The following CBL variants were observed in gnomAD, a reference collection of about 807,000 sequenced individuals.
CBL encodes Cbl proto-oncogene, also known as E3 ubiquitin-protein ligase CBL.
Under a neutral mutation model 96.9 loss-of-function variants are expected in CBL, and 45 were observed. That is an observed-to-expected ratio of 0.46 (90% CI 0.37 to 0.60). CBL has a LOEUF of 0.60. CBL is among the 20% of genes least tolerant of loss of function. The pLI, the probability that CBL is intolerant of heterozygous loss-of-function variation, is 0.00. For missense variants in CBL, 1,024 were observed against 1,143.5 expected (o/e 0.90, Z 1.51); for synonymous variants, 420 against 426.8 (o/e 0.98, Z 0.20).
Position 119,300,633 on chromosome 11 carries a change from T to C in CBL, c.*852T>C. ...ACTGTTTCTATAGGAACATTGAAGC[T>C]ATTAAGATGTTTTGATTATCCTAAT... is the stretch of plus-strand genomic sequence containing the variant. On this transcript the variant is annotated 3_prime_UTR_variant, in exon 16 of 16. Coordinates refer to ENST00000264033, the MANE Select transcript of CBL (RefSeq NM_005188.4). The C allele has an allele frequency of 2.5e-6, 1 of 399,022 alleles. No individual in the cohort carries two copies. The highest frequency in any genetic ancestry group is 4.4e-6 in the Non-Finnish European group (1 of 226,048). 24.7% of individuals were successfully genotyped at this position (399,022 alleles called of 1,614,324 possible).
intron 2 of CBL, among the ~76,000 whole-genome samples, chr11:119,262,806 G>A (rs560639592): frequency 3.3e-5 from 5 of 152,288 alleles, no homozygotes; most frequent in East Asian, 1.9e-4. Flanking sequence ...GAGAGTAGAC[G>A]TTAAATATAG....
At chr11:119,272,523 C>T (rs909257010) in intron 3 of CBL, among the ~76,000 whole-genome samples, 6 of 152,204 alleles carry the variant, frequency 3.9e-5, no homozygotes, top group African/African-American at 1.4e-4. Context: ...TATTTACATA[C>T]GCAGGAGTGG....
intron 9 of CBL, among the ~76,000 whole-genome samples, chr11:119,279,775 A>G (rs954611578): frequency 1.3e-5 from 2 of 152,252 alleles, no homozygotes; most frequent in Non-Finnish European, 2.9e-5. Context: ...ATTTCTGAGG[A>G]TAGGAATTCA....
At chr11:119,283,980 A>G (rs1048013674) in intron 9 of CBL, among the ~76,000 whole-genome samples, 2 of 152,016 alleles carry the variant, frequency 1.3e-5, no homozygotes, top group African/African-American at 4.8e-5. Context: ...GAAGGACTCA[A>G]GATGCTTTTT....
intron 2 of CBL, among the ~76,000 whole-genome samples, chr11:119,243,515 A>ATTT (rs1424819718): frequency 5.2e-5 from 5 of 96,716 alleles, no homozygotes; most frequent in Non-Finnish European, 6.6e-5. Flanking sequence ...AAAAAAAAAA[A>ATTT]TTTTTTTTTT....
Position 119,298,402 on chromosome 11 carries a change from G to T in CBL, c.2296G>T (p.Glu766Ter), listed in dbSNP as rs770244944. Residue 766 changes from glutamate (E) to a stop codon, truncating the protein, a stop_gained, in exon 15 of 16, where the codon GAG becomes TAG. Transcript: ENST00000264033. LOFTEE classifies it high-confidence loss of function. ...AGCCCATGCCAACACTGGTCCCGAG[G>T]AGTCAGAAAATGAGGATGATGGGTA... Reference protein sequence around the residue: ...AAAHANTGPEESENEDDGYDV... With the variant: ...AAAHANTGPE The T allele has an allele frequency of 6.2e-7, 1 of 1,614,216 alleles. No individual in the cohort carries two copies. The highest frequency in any genetic ancestry group is 8.5e-7 in the Non-Finnish European group (1 of 1,180,042).
chr11:119,273,858 C>T lies in CBL; in HGVS notation c.591-10C>T. 4 of 1,612,992 alleles carry T rather than the reference C, an allele frequency of 2.5e-6. No individual in the cohort carries two copies. Among genetic ancestry groups the T allele is most frequent in the Non-Finnish European group, 3.4e-6 (4 of 1,178,990 alleles). On this transcript the variant is annotated splice_polypyrimidine_tract_variant and intron_variant, in intron 3 of 15. Transcript: ENST00000264033. ...TTTCACTTTATGCCTCCTCTCCACC[C>T]CCTCCCCAGGACAATAGTCCCTTGG...
rs549468205 is a variant in CBL, at chr11:119,209,392, C to T, written c.195+2780C>T. On this transcript the variant is annotated intron_variant, in intron 1 of 15. Transcript: ENST00000264033. Reference sequence around the variant, plus strand: ...CAGCACTTTGGGAGGCCGAGGTGGGCGGCTCACTTGAGGTCAGGAGCTCCA... The same window carrying T: ...CAGCACTTTGGGAGGCCGAGGTGGGTGGCTCACTTGAGGTCAGGAGCTCCA... 2.6e-5 allele frequency among the ~76,000 whole-genome samples: 4 copies of T among 152,212 alleles called. No homozygotes were observed. The East Asian group carries it at 7.7e-4, about 29-fold the overall frequency.
chr11:119,245,862 C>T (rs887466627), intron 2 of CBL, among the ~76,000 whole-genome samples: 3 of 150,516 alleles, frequency 2.0e-5, no homozygotes, highest in East Asian at 1.9e-4. Flanking sequence ...CTATGTTGCC[C>T]GGGCTGGAAT....
At position 119,286,525 on chromosome 11, in the gene CBL, A is replaced by G. The variant is rs531880892; in HGVS notation, c.1941+959A>G. On this transcript the variant is annotated intron_variant, in intron 11 of 15. Transcript: ENST00000264033. ...TGGATACGGTTTTCAGATTGATAAC[A>G]GCCACAATGACAGAAATGCCTAAGG... Among the ~76,000 whole-genome samples, 4 of 152,348 alleles carry G rather than the reference A, an allele frequency of 2.6e-5. No individual in the cohort carries two copies. The South Asian group carries it at 6.2e-4, about 24-fold the overall frequency.
intron 1 of CBL, among the ~76,000 whole-genome samples, chr11:119,225,810 C>G (rs558678036): frequency 6.9e-6 from 1 of 145,218 alleles, no homozygotes; most frequent in East Asian, 2.2e-4. Flanking sequence ...TCGCTGCAAC[C>G]TCCGCCTCCC....
At position 119,208,605 on chromosome 11, in the gene CBL, C is replaced by T. The variant is rs188554264; in HGVS notation, c.195+1993C>T. Among the ~76,000 whole-genome samples, 273 of 152,026 alleles carry T rather than the reference C, an allele frequency of 1.8e-3. 1 individual carries two copies. The highest frequency in any genetic ancestry group is 6.1e-3 in the African/African-American group (251 of 41,452). On this transcript the variant is annotated intron_variant, in intron 1 of 15. Transcript: ENST00000264033. ...GGGGTTTCATCATGTTGACCAGGCT[C>T]GTCTCGAACTCCTGACCTCAGGTGA...
At chr11:119,208,485 G>C (rs561688287) in intron 1 of CBL, among the ~76,000 whole-genome samples, 1 of 152,052 alleles carries the variant, frequency 6.6e-6, no homozygotes, top group Non-Finnish European at 1.5e-5. Flanking sequence ...CGCCTCCTGG[G>C]TTCAAGACAT....
intron 1 of CBL, among the ~76,000 whole-genome samples, chr11:119,220,605 AT>A (rs1949400365): frequency 6.6e-6 from 1 of 152,202 alleles, no homozygotes. Context: ...TTTCAAAAAA[AT>A]AAAAATAAAA....
At chr11:119,256,663 A>G (rs372189123) in intron 2 of CBL, among the ~76,000 whole-genome samples, 10 of 150,998 alleles carry the variant, frequency 6.6e-5, no homozygotes, top group African/African-American at 2.2e-4. Flanking sequence ...CGAGTAGTGT[A>G]CATTGTACCC....
At chr11:119,286,721 T>C (rs939975105) in intron 11 of CBL, among the ~76,000 whole-genome samples, 38 of 152,194 alleles carry the variant, frequency 2.5e-4, no homozygotes, top group African/African-American at 8.9e-4. Flanking sequence ...GGGTAGGTTA[T>C]TGGTCCTTTG....
In CBL at chr11:119,298,554, C is replaced by T; in HGVS notation, c.2434+14C>T. On this transcript the variant is annotated intron_variant, in intron 15 of 15. Transcript: ENST00000264033. ...ATCCTACAACAAGTGAGTCTCCAGA[C>T]TACTTTGGGTTTGTCCTGAATGGCA... 6.2e-7 allele frequency: 1 copy of T among 1,612,970 alleles called. No homozygotes were observed. Among genetic ancestry groups the T allele is most frequent in the Non-Finnish European group, 8.5e-7 (1 of 1,178,940 alleles).
intron 1 of CBL, 24 bp from the exon 2 acceptor site, chr11:119,232,424 G>T (rs193259104): frequency 2.3e-5 from 37 of 1,611,430 alleles, no homozygotes; most frequent in Non-Finnish European, 3.1e-5. Flanking sequence ...CCAAGTAATA[G>T]CCCTTCTTTT....
rs965572776 is a variant in CBL, at chr11:119,306,136, A to G, written c.*6355A>G. The G allele has an allele frequency of 7.6e-6, 3 of 397,084 alleles. No homozygotes were observed. Among genetic ancestry groups the G allele is most frequent in the African/African-American group, 6.2e-5 (3 of 48,622 alleles). 24.6% of individuals were successfully genotyped at this position (397,084 alleles called of 1,614,324 possible). A position where few individuals can be genotyped will look rare whatever the true frequency, so the allele number is the denominator to read the frequency against. ...ATGGGGAAATAGGGATGGGGAGAGC[A>G]AGCCCCGCATGTCCATGGCGAGTCA... On this transcript the variant is annotated 3_prime_UTR_variant, in exon 16 of 16. Transcript: ENST00000264033.
Sources: gnomAD v4.1 joint callset for allele counts (sites outside exome capture counted in the v4.1 genomes callset) on GRCh38, gnomAD v4.1.1 for gene constraint, MANE v1.5 for transcripts, NCBI Gene and HGNC (gene_info 2026-07-23, HGNC 2026-07-21) for gene names.